SAMD3: variants seen among roughly 807,000 people sequenced by gnomAD.
SAMD3 encodes sterile alpha motif domain containing 3, also known as sterile alpha motif domain-containing protein 3.
In SAMD3, 63 loss-of-function variants were observed where a neutral mutation model predicts 58.5. The ratio of observed to expected loss-of-function variants is 1.08; its 90% confidence interval spans 0.88 to 1.33. The LOEUF (loss-of-function observed/expected upper bound fraction) is 1.33. Among genes scored for constraint, SAMD3 ranks in the 40% most tolerant of loss-of-function variants. The probability of loss-of-function intolerance (pLI) is 0.00; values close to 1 mark genes in which losing one functional copy is unlikely to be tolerated. For synonymous variants in SAMD3, 220 were observed against 210.3 expected (o/e 1.05, Z -0.40); for missense variants, 604 against 608.4 (o/e 0.99, Z 0.08).
At chr6:130,164,957 A>T (rs1342119867) in intron 8 of SAMD3, among the ~76,000 whole-genome samples, 2 of 152,126 alleles carry the variant, frequency 1.3e-5, no homozygotes, top group African/African-American at 2.4e-5. Context: ...ACTTATATAC[A>T]CCTAACAACA....
chr6:130,254,716 C>T (rs1773867528), intron 2 of SAMD3, among the ~76,000 whole-genome samples: 1 of 152,154 alleles, frequency 6.6e-6, no homozygotes, highest in Non-Finnish European at 1.5e-5. Flanking sequence ...TTCTTCATTA[C>T]TCTTTTCTTG....
At chr6:130,271,447 A>T (rs575010055) in intron 2 of SAMD3, among the ~76,000 whole-genome samples, 5 of 152,192 alleles carry the variant, frequency 3.3e-5, no homozygotes, top group Admixed American at 1.3e-4. Flanking sequence ...GTGAATGAGC[A>T]TCTTTTCTTA....
intron 5 of SAMD3, among the ~76,000 whole-genome samples, chr6:130,205,575 A>T (rs1305972044): frequency 2.6e-5 from 4 of 151,934 alleles, no homozygotes; most frequent in South Asian, 2.1e-4. Context: ...GAGTGCTGGG[A>T]TTACAGGCAT....
chr6:130,288,529 G>A (rs940104470), intron 2 of SAMD3, among the ~76,000 whole-genome samples: 4 of 152,182 alleles, frequency 2.6e-5, no homozygotes, highest in Non-Finnish European at 4.4e-5. Context: ...GCCTAGCCAA[G>A]GTAACACATC....
At chr6:130,159,954 G>C (rs113557877) in intron 8 of SAMD3, 10 of 152,280 alleles carry the variant, frequency 6.6e-5, no homozygotes, top group African/African-American at 2.4e-4. Flanking sequence ...ATTCCCAATA[G>C]ATTGGAAGTG....
At position 130,144,409 on chromosome 6, in the gene SAMD3, T is replaced by C. The variant is rs1582694825; in HGVS notation, c.*111A>G. ...ATTGAAATTCATTAGCATCTATAAATACAAGATGATTTTCTCATACCTACC... is the reference window on the plus strand; with the variant it reads ...ATTGAAATTCATTAGCATCTATAAACACAAGATGATTTTCTCATACCTACC... On this transcript the variant is annotated 3_prime_UTR_variant, in exon 12 of 12. Coordinates refer to ENST00000439090, the MANE Select transcript of SAMD3 (RefSeq NM_001017373.4). The C allele has an allele frequency of 1.1e-6, 1 of 937,870 alleles. No homozygotes were observed. The allele number at this position is 937,870 out of a possible 1,614,324, so 58.1% of individuals were successfully genotyped here. A position where few individuals can be genotyped will look rare whatever the true frequency, so the allele number is the denominator to read the frequency against.
intron 2 of SAMD3, among the ~76,000 whole-genome samples, chr6:130,242,406 C>A (rs1773389972): frequency 6.6e-6 from 1 of 152,216 alleles, no homozygotes; most frequent in African/African-American, 2.4e-5. Context: ...CAGTAGTTTG[C>A]CAATCCCTAA....
At chr6:130,295,431 C>T (rs1483001299) in intron 2 of SAMD3, among the ~76,000 whole-genome samples, 2 of 152,160 alleles carry the variant, frequency 1.3e-5, no homozygotes, top group Admixed American at 6.5e-5. Flanking sequence ...AGATAAATTG[C>T]ATCCTAAATT....
intron 8 of SAMD3, among the ~76,000 whole-genome samples, chr6:130,164,093 A>G (rs2114624584): frequency 6.6e-6 from 1 of 151,898 alleles, no homozygotes; most frequent in African/African-American, 2.4e-5. Context: ...TTGAAAAAAA[A>G]AAAAAAAGAG....
intron 2 of SAMD3, among the ~76,000 whole-genome samples, chr6:130,264,023 C>T (rs1438889513): frequency 6.6e-6 from 1 of 152,188 alleles, no homozygotes; most frequent in Non-Finnish European, 1.5e-5. Context: ...GCAATTAAGA[C>T]AGGATACCAA....
At chr6:130,240,406 C>T (rs1211814395) in intron 2 of SAMD3, among the ~76,000 whole-genome samples, 4 of 152,130 alleles carry the variant, frequency 2.6e-5, no homozygotes, top group Non-Finnish European at 5.9e-5. Flanking sequence ...GGCAAAATGT[C>T]AGAGAGATGA....
intron 9 of SAMD3, among the ~76,000 whole-genome samples, chr6:130,151,198 C>T (rs1418611645): frequency 6.6e-6 from 1 of 152,060 alleles, no homozygotes; most frequent in Non-Finnish European, 1.5e-5. Context: ...ATGCTGCTTG[C>T]CTCCCACCAT....
intron 1 of SAMD3, among the ~76,000 whole-genome samples, chr6:130,328,779 C>T (rs1400182357): frequency 6.6e-6 from 1 of 152,224 alleles, no homozygotes; most frequent in African/African-American, 2.4e-5. Context: ...CTGGAACTCT[C>T]TATCCACCTA....
intron 2 of SAMD3, among the ~76,000 whole-genome samples, chr6:130,255,937 T>C (rs1236369705): frequency 1.3e-5 from 2 of 152,158 alleles, no homozygotes; most frequent in Admixed American, 6.5e-5. Context: ...TAATTATTGA[T>C]AAGCAAAAAC....
chr6:130,245,742 G>A (rs1302940270), intron 2 of SAMD3, among the ~76,000 whole-genome samples: 1 of 152,126 alleles, frequency 6.6e-6, no homozygotes, highest in Non-Finnish European at 1.5e-5. Flanking sequence ...TACATAACAG[G>A]GTAGGGCAAG....
chr6:130,184,074 T>G (rs1281488738), intron 7 of SAMD3, 29 bp downstream of exon 7: 1 of 1,574,198 alleles, frequency 6.4e-7, no homozygotes, highest in East Asian at 2.2e-5. Context: ...AGTCTGAAAT[T>G]AACAGGATGG....
intron 7 of SAMD3, chr6:130,176,333 C>A: frequency 3.2e-6 from 1 of 314,760 alleles, no homozygotes; most frequent in East Asian, 7.8e-5. Flanking sequence ...ATACTTTCCA[C>A]TATACTCTGT....
chr6:130,278,921 G>A (rs920610194), intron 2 of SAMD3, among the ~76,000 whole-genome samples: 3 of 152,066 alleles, frequency 2.0e-5, no homozygotes, highest in Non-Finnish European at 4.4e-5. Context: ...GACACGATGT[G>A]GTTAGACTCT....
In SAMD3 at chr6:130,323,444, A is replaced by G. The variant is rs965221893; in HGVS notation, c.-303-10351T>C. The stretch of plus-strand genomic sequence containing the variant: ...AATATTTTGCAAGGTAAAATTTCCA[A>G]TTTTTTTTTTTTTTGTATGATGAGT... On this transcript the variant is annotated intron_variant, in intron 1 of 13. Coordinates refer to the SAMD3 transcript ENST00000368134. 2.0e-5 allele frequency among the ~76,000 whole-genome samples: 3 copies of G among 148,140 alleles called. No homozygotes were observed. The East Asian group carries it at 5.9e-4, about 29-fold the overall frequency.
Sources: allele counts gnomAD v4.1 joint callset (sites outside exome capture counted in the v4.1 genomes callset), GRCh38; gene constraint gnomAD v4.1.1; transcripts MANE v1.5; gene names NCBI Gene and HGNC (gene_info 2026-07-23, HGNC 2026-07-21).